LIG1: variants seen among roughly 807,000 people sequenced by gnomAD.
The protein encoded by LIG1 is DNA ligase 1.
Under a neutral mutation model 115.7 loss-of-function variants are expected in LIG1, and 70 were observed. The ratio of observed to expected loss-of-function variants is 0.60; its 90% CI spans 0.50 to 0.74. The LOEUF is 0.74. Among genes scored for constraint, LIG1 ranks in the 30% least tolerant of loss-of-function variants. The pLI is 0.00. For missense variants in LIG1, 1,115 were observed against 1,225.6 expected (o/e 0.91, Z 1.35); for synonymous variants, 487 against 495.3 (o/e 0.98, Z 0.22).
intron 18 of LIG1, among the ~76,000 whole-genome samples, chr19:48,132,713 G>A (rs2034107661): frequency 6.8e-6 from 1 of 147,166 alleles, no homozygotes; most frequent in Admixed American, 6.9e-5. Context: ...ATCACTTGAA[G>A]CCAGGAGGTG....
chr19:48,170,199 C>T (rs2036734659), intron 1 of LIG1, 42 bp downstream of exon 1: 1 of 455,088 alleles, frequency 2.2e-6, no homozygotes, highest in Admixed American at 2.4e-5. Context: ...GGCGCACCCG[C>T]CGCCCTCCGC....
chr19:48,143,301 C>T (rs1327132020), intron 11 of LIG1, among the ~76,000 whole-genome samples: 1 of 152,254 alleles, frequency 6.6e-6, no homozygotes, highest in Non-Finnish European at 1.5e-5. Context: ...TGGAGCCTGT[C>T]TCCTTACCCT....
In LIG1 at chr19:48,123,234, T is replaced by C; in HGVS notation, c.2089A>G (p.Thr697Ala). 1 of 1,613,846 alleles carries C rather than the reference T, an allele frequency of 6.2e-7. No homozygotes were observed. Among genetic ancestry groups the C allele is most frequent in the Non-Finnish European group, 8.5e-7 (1 of 1,179,974 alleles). ...TCGATGTCCTTGGTGTCCAGGGAGGTGGCGAAGACAAACTCGCCCTCTGTC... is the reference window on the plus strand; with the variant it reads ...TCGATGTCCTTGGTGTCCAGGGAGGCGGCGAAGACAAACTCGCCCTCTGTC... ...VETEGEFVFA[T>A]SLDTKDIEQI... is the part of the protein sequence containing the mutation. The change falls in exon 22 of 28, where the codon ACC becomes GCC. Residue 697 changes from threonine (T) to alanine (A), a missense_variant. By Grantham distance (58) the Thr-to-Ala change is moderately conservative. Transcript: ENST00000263274.
chr19:48,137,584 G>T lies in LIG1; in HGVS notation c.1192C>A (p.Pro398Thr), dbSNP rs1403192883. ...CTGAAGACCCCGGAGGCAGTGAGCG[G>T]AGGTGGTGGCAGCATGAGCCTCTGG... ...STQRLMLPPP[P>T]LTASGVFSKF... is the part of the protein sequence containing the mutation. The change falls in exon 13 of 28, where the codon CCG becomes ACG. Residue 398 changes from proline (P) to threonine (T), a missense_variant. Transcript: ENST00000263274. This position sits in a 1 kb window ranked among gnomAD's most constrained non-coding sequence, Gnocchi z 4.3. The T allele has an allele frequency of 1.2e-5, 20 of 1,613,440 alleles. No individual in the cohort carries two copies. Among genetic ancestry groups the T allele is most frequent in the Non-Finnish European group, 1.7e-5 (20 of 1,180,000 alleles).
intron 2 of LIG1, among the ~76,000 whole-genome samples, chr19:48,165,231 C>A (rs573290139): frequency 9.2e-5 from 14 of 152,184 alleles, no homozygotes; most frequent in Non-Finnish European, 5.9e-5. Flanking sequence ...TGTACTCCAG[C>A]CTGGGTGACA....
intron 11 of LIG1, among the ~76,000 whole-genome samples, chr19:48,141,858 G>A (rs937797100): frequency 6.6e-6 from 1 of 152,150 alleles, no homozygotes; most frequent in Non-Finnish European, 1.5e-5. Flanking sequence ...ATGGTGCAGT[G>A]GATGGAACAG....
intron 1 of LIG1, among the ~76,000 whole-genome samples, chr19:48,169,059 G>A (rs973569115): frequency 1.3e-5 from 2 of 152,200 alleles, no homozygotes; most frequent in Admixed American, 6.5e-5. Context: ...ACTGATACAA[G>A]CAACAACTTG....
intron 4 of LIG1, 150 bp downstream of exon 4, chr19:48,161,222 T>C: frequency 8.6e-7 from 1 of 1,159,282 alleles, no homozygotes; most frequent in Non-Finnish European, 1.3e-6. Context: ...TAGGACCAGG[T>C]TGTGTCTGCC....
At chr19:48,159,613 G>A (rs1033872318) in intron 4 of LIG1, among the ~76,000 whole-genome samples, 7 of 152,246 alleles carry the variant, frequency 4.6e-5, no homozygotes, top group African/African-American at 1.4e-4. Flanking sequence ...TATAGTCACA[G>A]GGGCCTTCAA....
intron 1 of LIG1, among the ~76,000 whole-genome samples, chr19:48,168,586 G>A (rs1010022743): frequency 6.6e-6 from 1 of 152,098 alleles, no homozygotes; most frequent in South Asian, 2.1e-4. Flanking sequence ...GAGGCACAAA[G>A]TTACCTGCTG....
chr19:48,161,313 C>T (rs2036162482), intron 4 of LIG1, 59 bp downstream of exon 4: 2 of 1,611,442 alleles, frequency 1.2e-6, no homozygotes, highest in South Asian at 2.2e-5. Context: ...CACTCTGTTC[C>T]AAAGGTTAAT....
At chr19:48,144,700 C>T (rs1195089400) in intron 9 of LIG1, among the ~76,000 whole-genome samples, 1 of 152,156 alleles carries the variant, frequency 6.6e-6, no homozygotes, top group Non-Finnish European at 1.5e-5. Context: ...GACGAGGTTT[C>T]ACCATGTTCG....
chr19:48,167,825 T>TA (rs776208781), intron 1 of LIG1, among the ~76,000 whole-genome samples: 2,566 of 113,080 alleles, frequency 0.023, 37 homozygotes, highest in African/African-American at 0.035. Context: ...GACCCCGTCT[T>TA]AAAAAAAAAA....
intron 4 of LIG1, 130 bp from the exon 5 acceptor site, chr19:48,157,270 C>G: frequency 1.5e-5 from 15 of 1,028,634 alleles, no homozygotes; most frequent in Non-Finnish European, 2.0e-5. Context: ...TCAGCCCTAA[C>G]TCAGGGGTGG....
chr19:48,157,404 A>G lies in LIG1; in HGVS notation c.244-264T>C, dbSNP rs188619319. Among the ~76,000 whole-genome samples the G allele has an allele frequency of 5.7e-4, 87 of 152,170 alleles. 1 individual carries two copies. Among genetic ancestry groups the G allele is most frequent in the African/African-American group, 2.0e-3 (85 of 41,528 alleles). On this transcript the variant is annotated intron_variant, in intron 4 of 27. Transcript: ENST00000263274. Reference sequence around the variant, plus strand: ...TCGATTCTCCTGCTTCAGCCTCCCAAGTAGCTGGGACTACAGGCCTGCACT... The same window carrying G: ...TCGATTCTCCTGCTTCAGCCTCCCAGGTAGCTGGGACTACAGGCCTGCACT...
chr19:48,166,294 G>A (rs1490632314), intron 1 of LIG1, among the ~76,000 whole-genome samples: 2 of 152,236 alleles, frequency 1.3e-5, no homozygotes, highest in Non-Finnish European at 2.9e-5. Flanking sequence ...CTACTCTGGA[G>A]GCTGAGGCAG....
At chr19:48,119,049 G>T in intron 25 of LIG1, 88 bp downstream of exon 25, 1 of 1,114,032 alleles carries the variant, frequency 9.0e-7, no homozygotes, top group Non-Finnish European at 1.3e-6. Flanking sequence ...CCAAGATGGT[G>T]GAAGCCAAGA....
intron 24 of LIG1, 103 bp downstream of exon 24, chr19:48,121,067 G>C: frequency 6.3e-7 from 1 of 1,598,436 alleles, no homozygotes; most frequent in East Asian, 2.2e-5. Context: ...CCTTCACAGG[G>C]GGATGTGAGC....
intron 1 of LIG1, 69 bp from the exon 2 acceptor site, chr19:48,165,692 T>C (rs2036442149): frequency 8.9e-7 from 1 of 1,121,632 alleles, no homozygotes; most frequent in Non-Finnish European, 1.3e-6. Flanking sequence ...CATAAAACCC[T>C]TTCTTTAAGA....
Sources: allele counts gnomAD v4.1 joint callset (sites outside exome capture counted in the v4.1 genomes callset), GRCh38; gene constraint gnomAD v4.1.1; non-coding constraint Gnocchi (gnomAD v3.1); transcripts MANE v1.5; gene names NCBI Gene and HGNC (gene_info 2026-07-23, HGNC 2026-07-21).